Variants in POFUT3 observed in about 807,000 individuals in gnomAD.
POFUT3 encodes the protein GDP-fucose protein O-fucosyltransferase 3.
At chr8:33,394,760 G>C in the POFUT3 span, among the ~76,000 whole-genome samples, 1 of 151,664 alleles carries the variant, frequency 6.6e-6, no homozygotes, top group Non-Finnish European at 1.5e-5. Flanking sequence ...TTAAAGCAGA[G>C]ACTTCCTTTC....
chr8:33,330,420 G>T, the POFUT3 span, among the ~76,000 whole-genome samples: 7 of 152,176 alleles, frequency 4.6e-5, no homozygotes, highest in African/African-American at 1.7e-4. Flanking sequence ...CTCCAGCCTG[G>T]GTGACAGAGC....
the POFUT3 span, among the ~76,000 whole-genome samples, chr8:33,352,320 T>C: frequency 6.6e-6 from 1 of 152,174 alleles, no homozygotes; most frequent in South Asian, 2.1e-4. Context: ...AGCCGGAGAA[T>C]GAAGGGGCCA....
the POFUT3 span, among the ~76,000 whole-genome samples, chr8:33,339,457 C>A: frequency 2.0e-5 from 3 of 152,068 alleles, no homozygotes; most frequent in Non-Finnish European, 4.4e-5. Flanking sequence ...AAAGATCTAC[C>A]ATTTGTGTAT....
At chr8:33,417,962 A>AG in the POFUT3 span, among the ~76,000 whole-genome samples, 1 of 152,164 alleles carries the variant, frequency 6.6e-6, no homozygotes, top group South Asian at 2.1e-4. Flanking sequence ...ACAGCACCTC[A>AG]CCCTCACGTG....
chr8:33,309,289 A>T, the POFUT3 span, among the ~76,000 whole-genome samples: 5 of 142,232 alleles, frequency 3.5e-5, no homozygotes, highest in Admixed American at 2.9e-4. Flanking sequence ...TTATTATATC[A>T]TTGGCTTATT....
chr8:33,461,451 A>G, the POFUT3 span: 3 of 1,613,680 alleles, frequency 1.9e-6, no homozygotes, highest in East Asian at 4.5e-5. Flanking sequence ...AATCCGCACC[A>G]TGCTGCCCTG....
chr8:33,424,328 G>A, the POFUT3 span, among the ~76,000 whole-genome samples: 1 of 152,088 alleles, frequency 6.6e-6, no homozygotes, highest in Non-Finnish European at 1.5e-5. Flanking sequence ...AGCTACTTAG[G>A]AAATGTTAGT....
chr8:33,385,399 G>A, the POFUT3 span, among the ~76,000 whole-genome samples: 14 of 152,348 alleles, frequency 9.2e-5, no homozygotes, highest in African/African-American at 3.4e-4. Flanking sequence ...GGACTCATGA[G>A]GAGATGACAT....
the POFUT3 span, chr8:33,451,592 A>T: frequency 2.6e-5 from 4 of 151,576 alleles, no homozygotes; most frequent in Admixed American, 2.0e-4. Context: ...ACATATGTGT[A>T]TGTGTGTGTG....
the POFUT3 span, among the ~76,000 whole-genome samples, chr8:33,432,176 G>A: frequency 5.3e-5 from 8 of 152,028 alleles, no homozygotes; most frequent in Admixed American, 2.0e-4. Context: ...TTGGGAGGCC[G>A]AGGTGGGCAG....
At chr8:33,372,845 T>G in the POFUT3 span, 3 of 1,560,020 alleles carry the variant, frequency 1.9e-6, no homozygotes, top group South Asian at 1.1e-5. Context: ...AAACATATGA[T>G]AATGAAGCAC....
the POFUT3 span, among the ~76,000 whole-genome samples, chr8:33,317,809 C>T: frequency 3.3e-5 from 5 of 152,174 alleles, no homozygotes; most frequent in East Asian, 1.9e-4. Flanking sequence ...TGTCCCTCCG[C>T]GCCTAGAGCC....
chr8:33,397,290 G>A, the POFUT3 span, among the ~76,000 whole-genome samples: 1 of 152,140 alleles, frequency 6.6e-6, no homozygotes, highest in Admixed American at 6.5e-5. Flanking sequence ...TGAGAATTAG[G>A]TGTTGGGAAG....
the POFUT3 span, among the ~76,000 whole-genome samples, chr8:33,345,762 G>A: frequency 6.6e-6 from 1 of 151,870 alleles, no homozygotes; most frequent in Non-Finnish European, 1.5e-5. Context: ...ATGGCAGGAG[G>A]AACAATGGGG....
the POFUT3 span, among the ~76,000 whole-genome samples, chr8:33,390,881 A>T: frequency 6.6e-6 from 1 of 152,210 alleles, no homozygotes. Context: ...GTGGTAAGCG[A>T]TTGTTTCCTG....
chr8:33,379,546 T>C, the POFUT3 span, among the ~76,000 whole-genome samples: 17 of 152,118 alleles, frequency 1.1e-4, no homozygotes, highest in Non-Finnish European at 1.9e-4. Flanking sequence ...TGTTAAAGAA[T>C]ATAGTAAAAG....
chr8:33,391,399 T>TA, the POFUT3 span, among the ~76,000 whole-genome samples: 13 of 152,238 alleles, frequency 8.5e-5, no homozygotes, highest in Admixed American at 1.3e-4. Context: ...TGTCCTTGTT[T>TA]ATTGGCATTT....
At chr8:33,399,773 C>T in the POFUT3 span, among the ~76,000 whole-genome samples, 2 of 152,044 alleles carry the variant, frequency 1.3e-5, no homozygotes, top group African/African-American at 4.8e-5. Context: ...CCCACCTCAG[C>T]CTCCCCAGTA....
chr8:33,408,440 T>C, the POFUT3 span, among the ~76,000 whole-genome samples: 103 of 152,176 alleles, frequency 6.8e-4, no homozygotes, highest in Non-Finnish European at 8.5e-4. Context: ...AAATCTCATA[T>C]CAAGGAAATT....
Sources: allele counts gnomAD v4.1 joint callset (sites outside exome capture counted in the v4.1 genomes callset), GRCh38; gene constraint gnomAD v4.1.1; transcripts MANE v1.5; gene names NCBI Gene and HGNC (gene_info 2026-07-23, HGNC 2026-07-21).